PAN3: variants seen among roughly 807,000 people sequenced by gnomAD.
PAN3 encodes the protein poly(A) specific ribonuclease subunit PAN3.
A neutral mutation model predicts 96.2 loss-of-function variants in PAN3; 19 were observed. That is an observed-to-expected ratio of 0.20 (90% CI 0.14 to 0.29). The LOEUF (loss-of-function observed/expected upper bound fraction) is 0.29, where lower values mean the gene tolerates loss of function less well. PAN3 is among the 10% of genes least tolerant of loss of function. PAN3 has a pLI of 1.00. For missense variants in PAN3, 882 were observed against 1,108.1 expected (o/e 0.80, Z 2.90); for synonymous variants, 433 against 406.6 (o/e 1.06, Z -0.78).
chr13:28,159,558 C>T (rs890865597), intron 1 of PAN3, among the ~76,000 whole-genome samples: 3 of 152,228 alleles, frequency 2.0e-5, no homozygotes, highest in Non-Finnish European at 2.9e-5. Context: ...AAACGATTCT[C>T]CTGCCTCAGT....
intron 3 of PAN3, among the ~76,000 whole-genome samples, chr13:28,177,539 C>T (rs905867524): frequency 6.6e-6 from 1 of 152,046 alleles, no homozygotes; most frequent in Non-Finnish European, 1.5e-5. Flanking sequence ...GATTATAAAC[C>T]TTTATTTACT....
chr13:28,148,845 G>A (rs541356261), intron 1 of PAN3, among the ~76,000 whole-genome samples: 20 of 152,026 alleles, frequency 1.3e-4, no homozygotes, highest in African/African-American at 4.1e-4. Context: ...ATTCTTTCTC[G>A]TGGCTGTGTA....
Position 28,242,082 on chromosome 13 carries a change from A to C in PAN3, c.1001-14210A>C, listed in dbSNP as rs1012241902. Among the ~76,000 whole-genome samples the C allele has an allele frequency of 7.9e-5, 12 of 152,356 alleles. No homozygotes were observed. In the East Asian group the frequency reaches 2.3e-3, roughly 29 times the overall value. The stretch of plus-strand genomic sequence containing the variant: ...AAAAGTAACACATACTAGAGTAATG[A>C]GACTTTGTCAGAAGAATGTCCTTCA... On this transcript the variant is annotated intron_variant, in intron 6 of 18. Transcript: ENST00000380958.
chr13:28,153,242 T>TC (rs1309893874), intron 1 of PAN3, among the ~76,000 whole-genome samples: 1 of 145,726 alleles, frequency 6.9e-6, no homozygotes, highest in African/African-American at 2.6e-5. Flanking sequence ...CTTTTTTTTT[T>TC]TTTTTTTTTT....
At chr13:28,178,165 T>C (rs1875293880) in intron 4 of PAN3, among the ~76,000 whole-genome samples, 1 of 152,198 alleles carries the variant, frequency 6.6e-6, no homozygotes, top group Non-Finnish European at 1.5e-5. Flanking sequence ...CCTGCTTATT[T>C]TTGTTCAGTT....
intron 8 of PAN3, 94 bp from the exon 9 acceptor site, chr13:28,261,307 C>G (rs1885700537): frequency 1.2e-6 from 1 of 829,232 alleles, no homozygotes; most frequent in Non-Finnish European, 1.8e-6. Flanking sequence ...GTGCATATGC[C>G]AAAAATATTA....
chr13:28,142,607 T>C (rs1870012791), intron 1 of PAN3, among the ~76,000 whole-genome samples: 1 of 151,622 alleles, frequency 6.6e-6, no homozygotes, highest in African/African-American at 2.4e-5. Flanking sequence ...GGTTTCCCCA[T>C]GTTGCCCAGG....
At chr13:28,269,643 A>G (rs546642286) in intron 12 of PAN3, among the ~76,000 whole-genome samples, 3 of 152,274 alleles carry the variant, frequency 2.0e-5, no homozygotes, top group African/African-American at 4.8e-5. Flanking sequence ...CCTTATTACT[A>G]CATTAATTAA....
intron 4 of PAN3, among the ~76,000 whole-genome samples, chr13:28,193,343 G>A (rs576437271): frequency 3.4e-4 from 52 of 152,248 alleles, no homozygotes; most frequent in African/African-American, 1.2e-3. Context: ...AGGGTTTTAG[G>A]GCATGGAGTG....
rs17361580 is a variant in PAN3, at chr13:28,250,183, C to T, written c.1001-6109C>T. The stretch of plus-strand genomic sequence containing the variant: ...ATTTTTGCATAATTGGTAGAAAGGA[C>T]TTATTTTGCTCAGAACTCTTTTTTT... On this transcript the variant is annotated intron_variant, in intron 6 of 18. Transcript: ENST00000380958. Among the ~76,000 whole-genome samples the T allele has an allele frequency of 4.4e-3, 660 of 150,726 alleles. 9 individuals carry two copies. Among genetic ancestry groups the T allele is most frequent in the African/African-American group, 0.015 (627 of 40,936 alleles).
chr13:28,190,775 G>T (rs1877146934), intron 4 of PAN3, among the ~76,000 whole-genome samples: 1 of 152,076 alleles, frequency 6.6e-6, no homozygotes, highest in Non-Finnish European at 1.5e-5. Flanking sequence ...AATAGCACGG[G>T]GGAAACCACT....
intron 5 of PAN3, among the ~76,000 whole-genome samples, chr13:28,213,352 T>C (rs566098961): frequency 1.3e-5 from 2 of 152,076 alleles, no homozygotes; most frequent in East Asian, 1.9e-4. Flanking sequence ...AGCTGGAGGA[T>C]ACTGAAAAAC....
chr13:28,197,994 C>T lies in PAN3; in HGVS notation c.852+648C>T, dbSNP rs114097714. Among the ~76,000 whole-genome samples the T allele has an allele frequency of 8.7e-3, 1,315 of 151,880 alleles. 25 individuals are homozygous for T. Among genetic ancestry groups the T allele is most frequent in the African/African-American group, 0.03 (1,243 of 41,414 alleles). On this transcript the variant is annotated intron_variant, in intron 5 of 18. Coordinates refer to ENST00000380958, the MANE Select transcript of PAN3 (RefSeq NM_175854.8). ...ACTACATTGAAGAGTCATATAAGGC[C>T]GGGCATGGTGGTGCACGCCTGTAAT...
At chr13:28,289,691 C>T (rs1308317513) in intron 18 of PAN3, among the ~76,000 whole-genome samples, 1 of 152,118 alleles carries the variant, frequency 6.6e-6, no homozygotes, top group East Asian at 1.9e-4. Context: ...ACCATCCTGG[C>T]TAACACGGTG....
In PAN3 at chr13:28,176,567, C is replaced by T. The variant is rs553399448; in HGVS notation, c.619+8C>T. On this transcript the variant is annotated splice_region_variant and intron_variant, in intron 3 of 18. Transcript: ENST00000380958. ...AGCCATATTCAGCCCATGGTAAGAC[C>T]TGATCCCTTTTGCTTATGTGTGTCT... 10 of 1,611,594 alleles carry T rather than the reference C, an allele frequency of 6.2e-6. No individual in the cohort carries two copies. The highest frequency in any genetic ancestry group is 1.3e-5 in the African/African-American group (1 of 74,992).
At chr13:28,187,744 G>A (rs1876675047) in intron 4 of PAN3, among the ~76,000 whole-genome samples, 1 of 152,022 alleles carries the variant, frequency 6.6e-6, no homozygotes, top group Admixed American at 6.6e-5. Flanking sequence ...TGTTTTTTGA[G>A]GGGCAGTGTC....
intron 4 of PAN3, among the ~76,000 whole-genome samples, chr13:28,183,656 G>A (rs997428818): frequency 6.6e-6 from 1 of 152,212 alleles, no homozygotes; most frequent in African/African-American, 2.4e-5. Context: ...CAAACAGCAG[G>A]AATGATAATA....
At position 28,283,269 on chromosome 13, in the gene PAN3, G is replaced by A. The variant is rs574355246; in HGVS notation, c.2384+1890G>A. On this transcript the variant is annotated intron_variant, in intron 17 of 18. Transcript: ENST00000380958. ...TCACCATGTTGTCCAAGCTGGTCTC[G>A]AACTCCTGACCTCAGGTGATCCACC... is the stretch of plus-strand genomic sequence containing the variant. Among the ~76,000 whole-genome samples, 194 of 152,218 alleles carry A rather than the reference G, an allele frequency of 1.3e-3. 1 individual carries two copies. Among genetic ancestry groups the A allele is most frequent in the Non-Finnish European group, 1.6e-3 (108 of 68,012 alleles).
intron 6 of PAN3, among the ~76,000 whole-genome samples, chr13:28,234,218 G>T (rs2138455778): frequency 6.6e-6 from 1 of 152,152 alleles, no homozygotes; most frequent in African/African-American, 2.4e-5. Context: ...ATTTTAAGAG[G>T]CAGGGTCTTG....
Sources: gnomAD v4.1 joint callset for allele counts (sites outside exome capture counted in the v4.1 genomes callset) on GRCh38, gnomAD v4.1.1 for gene constraint, MANE v1.5 for transcripts, NCBI Gene and HGNC (gene_info 2026-07-23, HGNC 2026-07-21) for gene names.